APPBP2: variants seen among roughly 807,000 people sequenced by gnomAD.
APPBP2 encodes amyloid beta precursor protein binding protein 2.
A neutral mutation model predicts 76.0 loss-of-function variants in APPBP2; 15 were observed. That is an observed-to-expected ratio of 0.20 (90% CI 0.13 to 0.30). The LOEUF (loss-of-function observed/expected upper bound fraction) is 0.30. APPBP2 is among the 10% of genes least tolerant of loss of function. The pLI is 1.00. For missense variants in APPBP2, 401 were observed against 687.2 expected, an observed-to-expected ratio of 0.58 and a Z score of 4.66; for synonymous variants, 222 against 242.2, an observed-to-expected ratio of 0.92 and a Z score of 0.77.
chr17:60,502,691 C>T (rs1306105201), intron 1 of APPBP2, among the ~76,000 whole-genome samples: 1 of 146,122 alleles, frequency 6.8e-6, no homozygotes, highest in Non-Finnish European at 1.5e-5. Context: ...CCTGTCTCTA[C>T]TAAAAATATA....
intron 11 of APPBP2, among the ~76,000 whole-genome samples, chr17:60,453,536 G>GTTTTTTTTTTTT (rs544790789): frequency 7.1e-6 from 1 of 140,464 alleles, no homozygotes; most frequent in African/African-American, 2.7e-5. Flanking sequence ...TCATGATCCT[G>GTTTTTTTTTTTT]TTTTTTTTTT....
chr17:60,521,036 T>C (rs2091006335), intron 1 of APPBP2, among the ~76,000 whole-genome samples: 2 of 152,190 alleles, frequency 1.3e-5, no homozygotes, highest in South Asian at 4.1e-4. Flanking sequence ...GCTCAAACCA[T>C]CTTCCTGCCT....
chr17:60,447,308 A>C lies in APPBP2; in HGVS notation c.*273T>G, dbSNP rs934383511. The C allele has an allele frequency of 6.5e-6, 2 of 307,066 alleles. No homozygotes were observed. Among genetic ancestry groups the C allele is most frequent in the Non-Finnish European group, 1.2e-5 (2 of 169,100 alleles). 19.0% of individuals were successfully genotyped at this position (307,066 alleles called of 1,614,324 possible). Reference sequence around the variant, plus strand: ...GCTTTCTGCAAAATGAATTTTTTAAAAACAACAAAAAAAAGATTTCCTGTT... The same window carrying C: ...GCTTTCTGCAAAATGAATTTTTTAACAACAACAAAAAAAAGATTTCCTGTT... On this transcript the variant is annotated 3_prime_UTR_variant, in exon 13 of 13. Coordinates refer to ENST00000083182, the MANE Select transcript of APPBP2 (RefSeq NM_006380.5).
intron 1 of APPBP2, among the ~76,000 whole-genome samples, chr17:60,516,304 GT>G (rs1185939981): frequency 1.3e-5 from 2 of 152,192 alleles, no homozygotes; most frequent in Non-Finnish European, 2.9e-5. Context: ...AAGAATGAAA[GT>G]TTTTTCGTTC....
Position 60,447,623 on chromosome 17 carries a change from C to A in APPBP2, c.1716G>T (p.Gln572His), listed in dbSNP as rs1215219012. ...TSPQSTEEVV[Q>H]SFLISQNVEG... The stretch of plus-strand genomic sequence containing the variant: ...CGACATTCTGAGAAATCAGGAAGGA[C>A]TGCACCACTTCTTCAGTGGACTGGG... Residue 572 changes from glutamine to histidine, a missense_variant, in exon 13 of 13, where the codon CAG becomes CAT. Gln to His is a conservative substitution (Grantham distance 24). Transcript: ENST00000083182. The A allele has an allele frequency of 3.1e-6, 5 of 1,613,944 alleles. No individual in the cohort carries two copies. The African/African-American group carries it at 6.7e-5, about 22-fold the overall frequency.
At chr17:60,511,879 GAT>G (rs1275925144) in intron 1 of APPBP2, among the ~76,000 whole-genome samples, 5 of 151,874 alleles carry the variant, frequency 3.3e-5, no homozygotes, top group African/African-American at 1.2e-4. Context: ...ATTATATAAA[GAT>G]ATATTTTTTC....
At chr17:60,459,413 G>A (rs887398527) in intron 9 of APPBP2, 1 of 151,626 alleles carries the variant, frequency 6.6e-6, no homozygotes, top group African/African-American at 2.4e-5. Flanking sequence ...GTGACACCAA[G>A]CTCAGATGGC....
At chr17:60,500,321 A>T in intron 2 of APPBP2, 78 bp downstream of exon 2, 1 of 1,022,718 alleles carries the variant, frequency 9.8e-7, no homozygotes. Flanking sequence ...ATGTGAATAT[A>T]CTTAATGCCA....
chr17:60,477,332 T>C (rs1200909569), intron 4 of APPBP2: 1 of 152,086 alleles, frequency 6.6e-6, no homozygotes, highest in Non-Finnish European at 1.5e-5. Context: ...AATAAAAAAA[T>C]AAAGCACATA....
intron 9 of APPBP2, chr17:60,459,973 T>C (rs2090465064): frequency 2.0e-5 from 3 of 152,212 alleles, no homozygotes; most frequent in Admixed American, 1.3e-4. Context: ...CCTTGGGGGA[T>C]TTCCCCCTCA....
chr17:60,479,122 T>A, intron 4 of APPBP2, 26 bp downstream of exon 4: 1 of 1,601,336 alleles, frequency 6.2e-7, no homozygotes, highest in Non-Finnish European at 8.5e-7. Context: ...TTATAGCACG[T>A]AATTACAGGA....
At chr17:60,502,286 G>C (rs1462044107) in intron 1 of APPBP2, among the ~76,000 whole-genome samples, 3 of 152,072 alleles carry the variant, frequency 2.0e-5, no homozygotes, top group Non-Finnish European at 4.4e-5. Flanking sequence ...AGAGCTTCTG[G>C]GAATGCATGC....
intron 1 of APPBP2, among the ~76,000 whole-genome samples, chr17:60,519,672 A>T (rs1225007593): frequency 6.6e-6 from 1 of 152,146 alleles, no homozygotes; most frequent in Non-Finnish European, 1.5e-5. Context: ...CTTAAAAAAG[A>T]AAGAAAAACA....
At chr17:60,494,307 T>C (rs1035778944) in intron 3 of APPBP2, among the ~76,000 whole-genome samples, 159 bp downstream of exon 3, 4 of 152,230 alleles carry the variant, frequency 2.6e-5, no homozygotes, top group Non-Finnish European at 5.9e-5. Flanking sequence ...ACTATTTAAA[T>C]GTATAGTATA....
rs778439186 is a variant in APPBP2, at chr17:60,444,130, A to G, written c.*3451T>C. ...GGCAACAAGAGCGAAACTCCGTCTG[A>G]AAAAAAAAAAAAAAATTTCCTGGCA... On this transcript the variant is annotated 3_prime_UTR_variant, in exon 13 of 13. Coordinates refer to ENST00000083182, the MANE Select transcript of APPBP2 (RefSeq NM_006380.5). The G allele has an allele frequency of 3.7e-4, 39 of 104,312 alleles. No individual in the cohort carries two copies. The highest frequency in any genetic ancestry group is 3.9e-4 in the African/African-American group (2 of 5,098). The allele number at this position is 104,312 out of a possible 1,614,324, so 6.5% of individuals were successfully genotyped here.
intron 1 of APPBP2, among the ~76,000 whole-genome samples, chr17:60,505,856 G>C (rs996479519): frequency 6.6e-6 from 1 of 151,028 alleles, no homozygotes; most frequent in Non-Finnish European, 1.5e-5. Context: ...GCTAATTTCT[G>C]TATTTTTAGC....
intron 1 of APPBP2, among the ~76,000 whole-genome samples, chr17:60,514,185 A>T (rs2090944293): frequency 6.6e-6 from 1 of 152,030 alleles, no homozygotes; most frequent in African/African-American, 2.4e-5. Flanking sequence ...ACACACCTGT[A>T]AGTCCCAGCT....
intron 1 of APPBP2, among the ~76,000 whole-genome samples, chr17:60,505,565 G>A (rs1052903233): frequency 5.3e-5 from 8 of 151,582 alleles, no homozygotes; most frequent in Non-Finnish European, 7.4e-5. Context: ...TCCGCCCACC[G>A]TGGCCTCCCA....
chr17:60,493,492 C>T (rs2090747674), intron 3 of APPBP2, among the ~76,000 whole-genome samples: 1 of 151,990 alleles, frequency 6.6e-6, no homozygotes, highest in Non-Finnish European at 1.5e-5. Flanking sequence ...TTATATTTAT[C>T]ATTTATTTTT....
Sources: gnomAD v4.1 joint callset for allele counts (sites outside exome capture counted in the v4.1 genomes callset) on GRCh38, gnomAD v4.1.1 for gene constraint, MANE v1.5 for transcripts, NCBI Gene and HGNC (gene_info 2026-07-23, HGNC 2026-07-21) for gene names.